The following CHD1L variants were observed in gnomAD, a reference collection of about 807,000 sequenced individuals.
The protein encoded by CHD1L is chromodomain helicase DNA binding protein 1 like.
Under a neutral mutation model 115.9 loss-of-function variants are expected in CHD1L, and 118 were observed. The observed-to-expected ratio is 1.02, with a 90% CI of 0.88 to 1.19. The LOEUF is 1.19. Ranked by LOEUF, CHD1L falls within the 50% of genes most tolerant of loss-of-function variation. The pLI is 0.00. For missense variants in CHD1L, 1,179 were observed against 1,065.3 expected, an observed-to-expected ratio of 1.11 and a Z score of -1.49; for synonymous variants, 411 against 387.1, an observed-to-expected ratio of 1.06 and a Z score of -0.72.
the CHD1L span, among the ~76,000 whole-genome samples, chr1:147,194,927 G>C: frequency 0.16 from 24,749 of 151,720 alleles, 2,779 homozygotes; most frequent in East Asian, 0.58. Flanking sequence ...CTTTCTCTCT[G>C]GCTGCCCTTA....
At chr1:147,293,047 A>G (rs2103024280) in intron 20 of CHD1L, among the ~76,000 whole-genome samples, 1 of 152,336 alleles carries the variant, frequency 6.6e-6, no homozygotes, top group Middle Eastern at 3.4e-3. Flanking sequence ...GTGATTCAGG[A>G]AAACTGTTTA....
chr1:147,251,393 C>T lies in CHD1L; in HGVS notation c.128-1230C>T, dbSNP rs181005292. Among the ~76,000 whole-genome samples, 14 of 152,108 alleles carry T rather than the reference C, an allele frequency of 9.2e-5. No individual in the cohort carries two copies. In the East Asian group the frequency reaches 2.5e-3, roughly 27 times the overall value. On this transcript the variant is annotated intron_variant, in intron 1 of 22. Coordinates refer to ENST00000369258, the MANE Select transcript of CHD1L (RefSeq NM_004284.6). ...GTCTAGGGTTTTTATTTGTACTTAG[C>T]AAGAGGAATAAGGGAAAGTAAGTAT...
the CHD1L span, chr1:147,186,596 T>G: frequency 2.8e-6 from 3 of 1,074,810 alleles, no homozygotes; most frequent in Admixed American, 1.5e-4. Flanking sequence ...AAACATTTAT[T>G]AAGCACCTAC....
At chr1:147,186,400 A>G in the CHD1L span, 30 of 895,850 alleles carry the variant, frequency 3.3e-5, no homozygotes, top group Non-Finnish European at 4.0e-5. Flanking sequence ...TCTTAGATAC[A>G]TACAACTATT....
chr1:147,228,371 G>A, the CHD1L span, among the ~76,000 whole-genome samples: 1 of 152,022 alleles, frequency 6.6e-6, no homozygotes, highest in South Asian at 2.1e-4. Flanking sequence ...AGTATTCCAT[G>A]GTGTATATGT....
chr1:147,178,372 G>A, the CHD1L span: 76 of 1,611,744 alleles, frequency 4.7e-5, no homozygotes, highest in South Asian at 1.6e-4. Context: ...TGATTGCACT[G>A]CCAACACTAA....
At chr1:147,284,670 A>T (rs1186421066) in intron 16 of CHD1L, among the ~76,000 whole-genome samples, 171 bp downstream of exon 16, 2 of 150,926 alleles carry the variant, frequency 1.3e-5, no homozygotes, top group African/African-American at 2.5e-5. Flanking sequence ...AAAACTATGT[A>T]AAAAAGTCAG....
At chr1:147,266,199 T>C in intron 8 of CHD1L, 112 bp downstream of exon 8, 1 of 1,031,864 alleles carries the variant, frequency 9.7e-7, no homozygotes, top group South Asian at 1.8e-5. Context: ...GGGATGGAAT[T>C]TTGTATTCTG....
chr1:147,228,407 C>T, the CHD1L span, among the ~76,000 whole-genome samples: 12 of 152,090 alleles, frequency 7.9e-5, no homozygotes, highest in Non-Finnish European at 1.6e-4. Context: ...TCCAGTCTAT[C>T]ATTGTTGGAC....
At chr1:147,218,168 A>G in the CHD1L span, among the ~76,000 whole-genome samples, 10 of 152,242 alleles carry the variant, frequency 6.6e-5, no homozygotes, top group Non-Finnish European at 1.3e-4. Flanking sequence ...TTAAATAGCA[A>G]TTAATTAGTA....
At chr1:147,207,028 GA>G in the CHD1L span, among the ~76,000 whole-genome samples, 2 of 151,668 alleles carry the variant, frequency 1.3e-5, no homozygotes, top group African/African-American at 4.8e-5. Context: ...GATTTAAAAA[GA>G]TTTTTTTAAA....
chr1:147,254,941 G>C lies in CHD1L; in HGVS notation c.312G>C (p.Leu104Phe). Reference sequence around the variant, plus strand: ...GGCCATTTCTGATTCTTTGTCCCTTGTCTGTTTTGAGCAACTGGAAAGAAG... The same window carrying C: ...GGCCATTTCTGATTCTTTGTCCCTTCTCTGTTTTGAGCAACTGGAAAGAAG... ...DEGPFLILCP[L>F]SVLSNWKEEM... The change falls in exon 3 of 23, where the codon TTG (leucine) becomes TTC (phenylalanine). Residue 104 changes from leucine to phenylalanine, a missense_variant. Transcript: ENST00000369258. 6.2e-7 allele frequency: 1 copy of C among 1,608,236 alleles called. No individual in the cohort carries two copies. The highest frequency in any genetic ancestry group is 8.5e-7 in the Non-Finnish European group (1 of 1,177,810).
In CHD1L at chr1:147,242,847, C is replaced by G; in HGVS notation, c.127+17C>G. The G allele has an allele frequency of 7.9e-7, 1 of 1,271,076 alleles. No individual in the cohort carries two copies. Among genetic ancestry groups the G allele is most frequent in the Non-Finnish European group, 1.0e-6 (1 of 1,002,006 alleles). The allele number at this position is 1,271,076 out of a possible 1,614,324, so 78.7% of individuals were successfully genotyped here. On this transcript the variant is annotated intron_variant, in intron 1 of 22. Transcript: ENST00000369258. Reference sequence around the variant, plus strand: ...GGCTGACAGGTGAGCGGGCTCCGGGCGGACTTCGGCCAGGCGGGCCAACCT... The same window carrying G: ...GGCTGACAGGTGAGCGGGCTCCGGGGGGACTTCGGCCAGGCGGGCCAACCT...
chr1:147,203,737 G>T, the CHD1L span: 1 of 1,535,196 alleles, frequency 6.5e-7, no homozygotes, highest in East Asian at 2.3e-5. Context: ...TAAGAACTTT[G>T]AAAGTATTAA....
chr1:147,185,433 G>C, the CHD1L span, among the ~76,000 whole-genome samples: 4 of 152,212 alleles, frequency 2.6e-5, no homozygotes, highest in Admixed American at 2.6e-4. Flanking sequence ...TTTAATAGAT[G>C]ATAAATCTCC....
At chr1:147,222,379 G>C in the CHD1L span, among the ~76,000 whole-genome samples, 1 of 152,106 alleles carries the variant, frequency 6.6e-6, no homozygotes, top group East Asian at 1.9e-4. Context: ...AAAGAAAAGA[G>C]AGAGAGAGCA....
rs1447633273 is a variant in CHD1L at position 147,242,722 on chromosome 1, A to G, written c.19A>G (p.Thr7Ala). The change falls in exon 1 of 23, where the codon ACT becomes GCT. Residue 7 changes from threonine (T) to alanine (A), a missense_variant. Thr to Ala is a moderately conservative substitution (Grantham distance 58). Coordinates refer to ENST00000369258, the MANE Select transcript of CHD1L (RefSeq NM_004284.6). ...CGGCCCGATGGAGCGCGCGGGCGCT[A>G]CTAGCCGCGGGGGCCAAGCCCCTGG... MERAGA[T>A]SRGGQAPGFL... 1.6e-6 allele frequency: 2 copies of G among 1,257,932 alleles called. No homozygotes were observed. The highest frequency in any genetic ancestry group is 1.5e-5 in the African/African-American group (1 of 65,134). 77.9% of individuals were successfully genotyped at this position (1,257,932 alleles called of 1,614,324 possible). A position where few individuals can be genotyped will look rare whatever the true frequency, so the allele number is the denominator to read the frequency against.
chr1:147,277,455 C>T (rs192064131), intron 14 of CHD1L, among the ~76,000 whole-genome samples: 14 of 152,210 alleles, frequency 9.2e-5, no homozygotes, highest in African/African-American at 3.4e-4. Context: ...AGACAGGGAT[C>T]CTGTTGTTTT....
intron 7 of CHD1L, 107 bp from the exon 8 acceptor site, chr1:147,265,825 A>G: frequency 9.7e-7 from 1 of 1,030,818 alleles, no homozygotes; most frequent in South Asian, 1.9e-5. Context: ...AGAATGCAAA[A>G]TAAGCGTGAA....
Sources: gnomAD v4.1 joint callset for allele counts (sites outside exome capture counted in the v4.1 genomes callset) on GRCh38, gnomAD v4.1.1 for gene constraint, MANE v1.5 for transcripts, NCBI Gene and HGNC (gene_info 2026-07-23, HGNC 2026-07-21) for gene names.